Variants in CABIN1 observed in about 807,000 individuals in gnomAD.
The protein encoded by CABIN1 is calcineurin binding protein 1.
Under a neutral mutation model 227.7 loss-of-function variants are expected in CABIN1, and 133 were observed. The observed-to-expected ratio is 0.58, with a 90% CI of 0.51 to 0.67. The LOEUF (loss-of-function observed/expected upper bound fraction) is 0.67, where lower values mean the gene tolerates loss of function less well. CABIN1 is among the 30% of genes least tolerant of loss of function. The pLI, the probability that CABIN1 is intolerant of heterozygous loss-of-function variation, is 0.00. For missense variants in CABIN1, 2,408 were observed against 2,852.5 expected, an observed-to-expected ratio of 0.84 and a Z score of 3.55; for synonymous variants, 1,086 against 1,155.1, an observed-to-expected ratio of 0.94 and a Z score of 1.21.
intron 29 of CABIN1, among the ~76,000 whole-genome samples, chr22:24,155,447 A>C (rs1349817987): frequency 1.3e-5 from 2 of 151,960 alleles, no homozygotes; most frequent in Non-Finnish European, 2.9e-5. Flanking sequence ...CTACCCCTCA[A>C]ACCCAGTGCT....
intron 1 of CABIN1, among the ~76,000 whole-genome samples, chr22:24,031,404 A>G (rs1422622929): frequency 6.6e-6 from 1 of 152,212 alleles, no homozygotes; most frequent in Non-Finnish European, 1.5e-5. Context: ...CAAGGACACC[A>G]AGGGTTGTAA....
At chr22:24,083,173 AG>A in intron 19 of CABIN1, 54 bp from the exon 20 acceptor site, 1 of 1,584,844 alleles carries the variant, frequency 6.3e-7, no homozygotes, top group Non-Finnish European at 8.7e-7. Flanking sequence ...CTGCTGTGAC[AG>A]GGAGGCAGTG....
At chr22:24,064,554 TTTCTCGCAGAGGGGGA>T (rs2039460442) in intron 15 of CABIN1, among the ~76,000 whole-genome samples, 1 of 137,546 alleles carries the variant, frequency 7.3e-6, no homozygotes, top group Non-Finnish European at 1.5e-5. Context: ...TTCTTGGGTG[TTTCTCGCAGAGGGGGA>T]TTTGGCAGGG....
In CABIN1 at chr22:24,126,545, T is replaced by C. The variant is rs2043734703; in HGVS notation, c.4632+6847T>C. ...GTGACTAGAATCTGCTGGAAGCTGG[T>C]GTGACTAGAATCTGCTGGAAGCTGG... is the stretch of plus-strand genomic sequence containing the variant. On this transcript the variant is annotated intron_variant, in intron 28 of 36. Coordinates refer to ENST00000263119, the MANE Select transcript of CABIN1 (RefSeq NM_012295.4). Among the ~76,000 whole-genome samples, 3 of 151,894 alleles carry C rather than the reference T, an allele frequency of 2.0e-5. No homozygotes were observed. The South Asian group carries it at 6.3e-4, about 32-fold the overall frequency.
rs2041562046 is a variant in CABIN1 at position 24,091,827 on chromosome 22, C to T, written c.3770C>T (p.Ala1257Val). ...CACTACCACAACCCACCTGAGCTGG[C>T]CATGGAGGCCCTGGAGGTGACACCA... ...KIHYHNPPEL[A>V]MEALEVYFRL... Residue 1257 changes from alanine to valine, a missense_variant, in exon 24 of 37, where the codon GCC becomes GTC. Physicochemically the swap from Ala to Val is moderately conservative, Grantham distance 64 (BLOSUM62 0). This residue lies in a region of CABIN1 where 649 missense variants were observed against 910.3 expected (regional missense o/e 0.71). Transcript: ENST00000263119. 1 of 1,613,654 alleles carries T rather than the reference C, an allele frequency of 6.2e-7. No homozygotes were observed. Among genetic ancestry groups the T allele is most frequent in the East Asian group, 2.2e-5 (1 of 44,868 alleles).
intron 11 of CABIN1, among the ~76,000 whole-genome samples, chr22:24,059,648 T>G (rs894874775): frequency 6.6e-6 from 1 of 152,126 alleles, no homozygotes; most frequent in Non-Finnish European, 1.5e-5. Flanking sequence ...TGTATAACTG[T>G]TGAGTGAGAT....
chr22:24,105,970 G>A (rs1308787776), intron 26 of CABIN1, among the ~76,000 whole-genome samples: 1 of 152,198 alleles, frequency 6.6e-6, no homozygotes, highest in Non-Finnish European at 1.5e-5. Flanking sequence ...TGAACCTAGG[G>A]CCACAGGATC....
Position 24,041,252 on chromosome 22 carries a change from A to G in CABIN1, c.324A>G (p.Thr108=). ...QLAAQREDLE[T]AMEFYLEAVM... ...CAGCCCAGCGGGAGGATCTGGAGAC[A>G]GCCATGGAGTTCTACTTAGAGGTGT... The change falls in exon 5 of 37, where the codon ACA becomes ACG. Residue 108 remains threonine (T), a synonymous_variant. Transcript: ENST00000263119. 6.2e-7 allele frequency: 1 copy of G among 1,614,228 alleles called. No individual in the cohort carries two copies.
chr22:24,176,196 C>T lies in CABIN1; in HGVS notation c.6126C>T (p.Pro2042=), dbSNP rs1445517990. 1.9e-6 allele frequency: 3 copies of T among 1,610,954 alleles called. No individual in the cohort carries two copies. Among genetic ancestry groups the T allele is most frequent in the Admixed American group, 1.7e-5 (1 of 59,820 alleles). The change falls in exon 35 of 37, where the codon CCC becomes CCT. Residue 2042 remains proline, a synonymous_variant. Coordinates refer to ENST00000263119, the MANE Select transcript of CABIN1 (RefSeq NM_012295.4). ...PRHSPQVKMA[P]TSSPAEPHCW... ...ACAGTCCGCAGGTGAAGATGGCCCC[C>T]ACAAGTTCCCCGGCAGAGCCACACT... is the stretch of plus-strand genomic sequence containing the variant.
chr22:24,015,375 C>T (rs1342662489), intron 1 of CABIN1, among the ~76,000 whole-genome samples: 4 of 146,992 alleles, frequency 2.7e-5, no homozygotes, highest in African/African-American at 1.0e-4. Context: ...GACGGAGTCT[C>T]GCTCTTTTGC....
intron 15 of CABIN1, among the ~76,000 whole-genome samples, 175 bp from the exon 16 acceptor site, chr22:24,066,812 A>G (rs1306789473): frequency 6.6e-6 from 1 of 152,244 alleles, no homozygotes; most frequent in African/African-American, 2.4e-5. Flanking sequence ...CTTTTAACAC[A>G]TACGTTTAGT....
In CABIN1 at chr22:24,167,034, G is replaced by A. The variant is rs1443297352; in HGVS notation, c.5403G>A (p.Glu1801=). Residue 1801 remains glutamate, a synonymous_variant, in exon 32 of 37, where the codon GAG becomes GAA. Transcript: ENST00000263119. ...ESRPTELSLE[E]LSISARQQPT... ...GGCCCACTGAGCTGTCCCTGGAGGA[G>A]CTGAGCATCAGTGCCCGGCAGCAGC... 3 of 1,551,078 alleles carry A rather than the reference G, an allele frequency of 1.9e-6. No homozygotes were observed. The highest frequency in any genetic ancestry group is 2.6e-6 in the Non-Finnish European group (3 of 1,148,032).
rs5760229 is a variant in CABIN1, at chr22:24,164,286, C to G, written c.4747-114C>G. ...TGAGAGGGGTCCAAGAAGCCCCTGGCTGGGCAGTGTCCCCTTTGGCACTGT... is the reference window on the plus strand; with the variant it reads ...TGAGAGGGGTCCAAGAAGCCCCTGGGTGGGCAGTGTCCCCTTTGGCACTGT... On this transcript the variant is annotated intron_variant, in intron 29 of 36. Coordinates refer to ENST00000263119, the MANE Select transcript of CABIN1 (RefSeq NM_012295.4). The G allele has an allele frequency of 0.063, 83,533 of 1,319,520 alleles. 2,964 individuals are homozygous for G. The highest frequency in any genetic ancestry group is 0.11 in the South Asian group (9,129 of 83,830). 81.7% of individuals were successfully genotyped at this position (1,319,520 alleles called of 1,614,324 possible).
In CABIN1 at chr22:24,059,343, C is replaced by G; in HGVS notation, c.1379C>G (p.Ser460Ter). The change falls in exon 11 of 37, where the codon TCA becomes TGA. Residue 460 changes from serine to a stop codon, truncating the protein, a stop_gained. Transcript: ENST00000263119. LOFTEE classifies it high-confidence loss of function. ...SIGPQRLSFD[S>*]ATFMESEKQD... ...GGGCCTCAAAGGCTGTCATTTGACT[C>G]AGCCACATTCATGGAATCTGGTAGG... 2.5e-6 allele frequency: 4 copies of G among 1,614,180 alleles called. No individual in the cohort carries two copies. The highest frequency in any genetic ancestry group is 3.4e-6 in the Non-Finnish European group (4 of 1,180,020).
intron 6 of CABIN1, among the ~76,000 whole-genome samples, chr22:24,046,902 C>G (rs535030025): frequency 6.6e-6 from 1 of 152,054 alleles, no homozygotes; most frequent in Non-Finnish European, 1.5e-5. Flanking sequence ...GAAAACCCCC[C>G]CCACCGCAAT....
chr22:24,089,916 G>C (rs1022999889), intron 23 of CABIN1, among the ~76,000 whole-genome samples: 5 of 152,210 alleles, frequency 3.3e-5, no homozygotes, highest in Non-Finnish European at 5.9e-5. Flanking sequence ...CTTCTCCAAG[G>C]CAGTATTGTG....
At chr22:24,096,292 C>T (rs769547351) in intron 25 of CABIN1, among the ~76,000 whole-genome samples, 24 of 152,178 alleles carry the variant, frequency 1.6e-4, no homozygotes, top group Non-Finnish European at 3.4e-4. Context: ...TGTGAGTCCC[C>T]TTACCCTGTG....
chr22:24,097,507 C>T (rs1214967623), intron 25 of CABIN1, among the ~76,000 whole-genome samples: 1 of 152,164 alleles, frequency 6.6e-6, no homozygotes, highest in African/African-American at 2.4e-5. Context: ...CTTACTATAC[C>T]ATAGTATGGA....
In CABIN1 at chr22:24,057,961, G is replaced by T. The variant is rs1467789247; in HGVS notation, c.1263-1266G>T. Among the ~76,000 whole-genome samples the T allele has an allele frequency of 3.9e-5, 6 of 152,182 alleles. 1 individual carries two copies. The highest frequency in any genetic ancestry group is 1.4e-4 in the African/African-American group (6 of 41,440). ...CTTGTTCCCTAGTCCCATTTACCTG[G>T]ATGGTTTCGACTTTCTTTTTAATCT... On this transcript the variant is annotated intron_variant, in intron 10 of 36. Transcript: ENST00000263119.
Sources: gnomAD v4.1 joint callset for allele counts (sites outside exome capture counted in the v4.1 genomes callset) on GRCh38, gnomAD v4.1.1 for gene constraint, gnomAD v4.1.1 regional missense constraint, MANE v1.5 for transcripts, NCBI Gene and HGNC (gene_info 2026-07-23, HGNC 2026-07-21) for gene names.